CSMD1: variants seen among roughly 807,000 people sequenced by gnomAD.
CSMD1 encodes the protein CUB and Sushi multiple domains 1, also known as CUB and sushi domain-containing protein 1.
In CSMD1, 213 loss-of-function variants were observed where a neutral mutation model predicts 417.5. The ratio of observed to expected loss-of-function variants is 0.51; its 90% CI spans 0.46 to 0.57. The LOEUF is 0.57. Ranked by LOEUF, CSMD1 falls within the 20% of genes least tolerant of loss-of-function variation. The probability of loss-of-function intolerance (pLI) is 0.00; values close to 1 mark genes in which losing one functional copy is unlikely to be tolerated. For synonymous variants in CSMD1, 2,862 were observed against 1,736.8 expected (o/e 1.65, Z -16.11); for missense variants, 6,923 against 4,529.7 (o/e 1.53, Z -15.17).
intron 1 of CSMD1, among the ~76,000 whole-genome samples, chr8:4,647,335 G>T (rs566361921): frequency 6.6e-6 from 1 of 151,520 alleles, no homozygotes; most frequent in African/African-American, 2.4e-5. Flanking sequence ...ACGGCGGCCT[G>T]CTACGTAGGT....
chr8:4,660,861 A>G (rs1165747634), intron 1 of CSMD1, among the ~76,000 whole-genome samples: 1 of 152,164 alleles, frequency 6.6e-6, no homozygotes, highest in South Asian at 2.1e-4. Flanking sequence ...ACCATGTTAA[A>G]AGGTACTCAA....
chr8:4,255,813 C>T (rs116947935), intron 3 of CSMD1, among the ~76,000 whole-genome samples: 2,081 of 152,278 alleles, frequency 0.014, 26 homozygotes, highest in Non-Finnish European at 0.019. Flanking sequence ...TCCTCTGGGG[C>T]ACTGGCTGGC....
At chr8:4,273,860 T>G (rs1563370691) in intron 3 of CSMD1, among the ~76,000 whole-genome samples, 1 of 152,292 alleles carries the variant, frequency 6.6e-6, no homozygotes, top group South Asian at 2.1e-4. Flanking sequence ...TATAACATAC[T>G]TGCTGTGCTT....
intron 1 of CSMD1, among the ~76,000 whole-genome samples, chr8:4,975,686 G>C (rs548468670): frequency 2.0e-5 from 3 of 152,290 alleles, no homozygotes; most frequent in East Asian, 1.9e-4. Flanking sequence ...AGTAGGCAAA[G>C]GGCTATTACC....
At chr8:4,802,213 G>C (rs1039816861) in intron 1 of CSMD1, among the ~76,000 whole-genome samples, 1 of 152,178 alleles carries the variant, frequency 6.6e-6, no homozygotes, top group East Asian at 1.9e-4. Context: ...TTGCATCAAA[G>C]TACAATTGGC....
chr8:3,822,350 A>T (rs540555179), intron 5 of CSMD1, among the ~76,000 whole-genome samples: 1 of 152,290 alleles, frequency 6.6e-6, no homozygotes, highest in African/African-American at 2.4e-5. Flanking sequence ...CAAGTACTTT[A>T]AAAGTCGTTG....
chr8:4,991,099 C>T (rs1208750286), intron 1 of CSMD1, among the ~76,000 whole-genome samples: 1 of 152,118 alleles, frequency 6.6e-6, no homozygotes, highest in Non-Finnish European at 1.5e-5. Context: ...ATTCTCATGG[C>T]TGCACATATG....
chr8:4,235,391 T>C (rs956262434), intron 3 of CSMD1, among the ~76,000 whole-genome samples: 3 of 152,142 alleles, frequency 2.0e-5, no homozygotes, highest in African/African-American at 7.2e-5. Context: ...TTTTTGTTTT[T>C]ACTCAGGGTA....
intron 5 of CSMD1, among the ~76,000 whole-genome samples, chr8:3,771,088 T>G (rs938387549): frequency 6.6e-6 from 1 of 152,022 alleles, no homozygotes; most frequent in Admixed American, 6.6e-5. Context: ...CTTGGGGGTA[T>G]TGTATTCTCA....
In CSMD1 at chr8:3,399,574, G is replaced by A. The variant is rs758110814; in HGVS notation, c.2267-45C>T. 2.7e-6 allele frequency: 4 copies of A among 1,459,392 alleles called. No homozygotes were observed. In the African/African-American group the frequency reaches 5.7e-5, roughly 21 times the overall value. The allele number at this position is 1,459,392 out of a possible 1,614,324, so 90.4% of individuals were successfully genotyped here. A position where few individuals can be genotyped will look rare whatever the true frequency, so the allele number is the denominator to read the frequency against. On this transcript the variant is annotated intron_variant, in intron 15 of 69. Coordinates refer to ENST00000635120, the MANE Select transcript of CSMD1 (RefSeq NM_033225.6). ...ATCTATTAGATCCAATGAGACAGAA[G>A]GATATGCCATAACAATACCCGGATA...
At chr8:4,390,506 T>TTTATTTATTTATTTAG in intron 3 of CSMD1, among the ~76,000 whole-genome samples, 1 of 146,928 alleles carries the variant, frequency 6.8e-6, no homozygotes. Flanking sequence ...TTTTTATTTA[T>TTTATTTATTTATTTAG]TTATTTATTT....
chr8:4,170,582 T>G (rs974075383), intron 3 of CSMD1, among the ~76,000 whole-genome samples: 1 of 151,902 alleles, frequency 6.6e-6, no homozygotes, highest in South Asian at 2.1e-4. Flanking sequence ...ACCTTAGCAG[T>G]ACACTTTCAA....
At chr8:3,124,191 A>G (rs1451040871) in intron 41 of CSMD1, among the ~76,000 whole-genome samples, 1 of 152,096 alleles carries the variant, frequency 6.6e-6, no homozygotes, top group Non-Finnish European at 1.5e-5. Flanking sequence ...AGTGGTTTTC[A>G]TTATTCATTT....
intron 46 of CSMD1, among the ~76,000 whole-genome samples, chr8:3,102,647 C>A (rs561779489): frequency 6.6e-6 from 1 of 152,244 alleles, no homozygotes; most frequent in South Asian, 2.1e-4. Flanking sequence ...CTGAGGGAGG[C>A]CACTCTCACC....
intron 5 of CSMD1, among the ~76,000 whole-genome samples, chr8:3,798,919 C>G (rs557366940): frequency 6.6e-6 from 1 of 152,042 alleles, no homozygotes; most frequent in African/African-American, 2.4e-5. Context: ...AATGTGGAGT[C>G]AAGCTAAACA....
intron 2 of CSMD1, among the ~76,000 whole-genome samples, chr8:4,608,861 A>G (rs1801019430): frequency 6.6e-6 from 1 of 152,206 alleles, no homozygotes; most frequent in Admixed American, 6.5e-5. Context: ...TAGAACAGGG[A>G]ACTAGAAAAC....
At chr8:4,243,925 C>G (rs1181880838) in intron 3 of CSMD1, among the ~76,000 whole-genome samples, 1 of 152,156 alleles carries the variant, frequency 6.6e-6, no homozygotes, top group Non-Finnish European at 1.5e-5. Context: ...GTTTGCTTCC[C>G]AAAGTGACTT....
chr8:3,068,328 C>T (rs1813084828), intron 49 of CSMD1, among the ~76,000 whole-genome samples: 1 of 152,036 alleles, frequency 6.6e-6, no homozygotes, highest in Non-Finnish European at 1.5e-5. Flanking sequence ...CATAATTTAC[C>T]ACTCACTTTG....
chr8:4,165,956 G>C (rs771482504), intron 3 of CSMD1, among the ~76,000 whole-genome samples: 1 of 152,194 alleles, frequency 6.6e-6, no homozygotes, highest in East Asian at 1.9e-4. Context: ...TCTTCAAGGT[G>C]TCACTGTAAG....
Sources: allele counts gnomAD v4.1 joint callset (sites outside exome capture counted in the v4.1 genomes callset), GRCh38; gene constraint gnomAD v4.1.1; transcripts MANE v1.5; gene names NCBI Gene and HGNC (gene_info 2026-07-23, HGNC 2026-07-21).